The following DUSP14 variants were observed in gnomAD, a reference collection of about 807,000 sequenced individuals.
DUSP14 encodes dual specificity phosphatase 14.
A neutral mutation model predicts 13.2 loss-of-function variants in DUSP14; 5 were observed. The observed-to-expected ratio is 0.38, with a 90% CI of 0.20 to 0.80. The LOEUF (loss-of-function observed/expected upper bound fraction) is 0.80. DUSP14 is among the 30% of genes least tolerant of loss of function. The pLI, the probability that DUSP14 is intolerant of heterozygous loss-of-function variation, is 0.44. For missense variants in DUSP14, 185 were observed against 264.0 expected (o/e 0.70, Z 2.07); for synonymous variants, 91 against 103.4 (o/e 0.88, Z 0.73).
intron 1 of DUSP14, among the ~76,000 whole-genome samples, chr17:37,495,003 A>G (rs1043119085): frequency 6.6e-6 from 1 of 152,216 alleles, no homozygotes; most frequent in African/African-American, 2.4e-5. Context: ...TAGAAACCAC[A>G]TGCGGATAAA....
rs1351872422 is a variant in DUSP14, at chr17:37,495,933, C to A, written c.-181+5975C>A. On this transcript the variant is annotated intron_variant, in intron 1 of 2. Transcript: ENST00000617516. ...TCGGACCCCCAAAGTGCTGGGATTA[C>A]AGGCATGAGCCACCGCGCCCAGCCT... Among the ~76,000 whole-genome samples the A allele has an allele frequency of 3.3e-5, 5 of 152,316 alleles. No individual in the cohort carries two copies. In the East Asian group the frequency reaches 9.6e-4, roughly 29 times the overall value.
At position 37,512,246 on chromosome 17, in the gene DUSP14, G is replaced by A. The variant is rs372548237; in HGVS notation, c.-27G>A. ...AAAACACTCTGGTCTTGCCGCCAAC[G>A]ATGCAAGTGTGACTGCTGGCGTCTT... On this transcript the variant is annotated 5_prime_UTR_variant, in exon 3 of 3. Transcript: ENST00000617516. The surrounding 1 kb of genome is among the most constrained non-coding windows in gnomAD (Gnocchi z 4.8). 282 of 1,552,842 alleles carry A rather than the reference G, an allele frequency of 1.8e-4. 1 individual carries two copies. Among genetic ancestry groups the A allele is most frequent in the Middle Eastern group, 8.7e-4 (5 of 5,770 alleles).
intron 1 of DUSP14, among the ~76,000 whole-genome samples, chr17:37,494,087 A>G (rs898782842): frequency 2.7e-5 from 4 of 147,512 alleles, no homozygotes; most frequent in African/African-American, 7.6e-5. Context: ...TCCGCCTCCC[A>G]GGTTCATGCC....
chr17:37,511,065 A>G (rs1407610581), intron 2 of DUSP14, among the ~76,000 whole-genome samples: 1 of 152,082 alleles, frequency 6.6e-6, no homozygotes, highest in Non-Finnish European at 1.5e-5. Flanking sequence ...TAATGAGAGG[A>G]TAGTGACGTT....
chr17:37,489,676 A>G (rs1302745737), upstream of DUSP14, among the ~76,000 whole-genome samples: 2 of 151,656 alleles, frequency 1.3e-5, no homozygotes, highest in Admixed American at 1.3e-4. Flanking sequence ...GCTCTAGGGG[A>G]GGCTGCTGCC....
chr17:37,512,779 G>A lies in DUSP14; in HGVS notation c.507G>A (p.Ser169=), dbSNP rs375947664. 5.5e-5 allele frequency: 88 copies of A among 1,613,714 alleles called. No homozygotes were observed. The East Asian group carries it at 1.0e-3, about 19-fold the overall frequency. Reference sequence around the variant, plus strand: ...ACGAGCGCCAGCTCTTTGGGAAGTCGACAGTTAAAATGGTACAGACACCTT... The same window carrying A: ...ACGAGCGCCAGCTCTTTGGGAAGTCAACAGTTAAAATGGTACAGACACCTT... ...IDYERQLFGK[S]TVKMVQTPYG... is the part of the protein sequence containing the mutation. Residue 169 remains serine (S), a synonymous_variant, in exon 3 of 3, where the codon TCG becomes TCA. Transcript: ENST00000617516. The surrounding 1 kb of genome is among the most constrained non-coding windows in gnomAD (Gnocchi z 4.8).
At chr17:37,509,170 CTATA>C (rs1225738958) in intron 1 of DUSP14, among the ~76,000 whole-genome samples, 2 of 48,218 alleles carry the variant, frequency 4.1e-5, no homozygotes, top group East Asian at 5.8e-4. Context: ...CACACACACT[CTATA>C]TATATATGTA....
At chr17:37,494,557 G>C (rs772155423) in intron 1 of DUSP14, among the ~76,000 whole-genome samples, 7 of 152,126 alleles carry the variant, frequency 4.6e-5, no homozygotes, top group Non-Finnish European at 1.0e-4. Flanking sequence ...TTGATTGCCC[G>C]TGTTTAGTTT....
At chr17:37,501,688 G>A (rs769489879) in intron 1 of DUSP14, among the ~76,000 whole-genome samples, 4 of 152,004 alleles carry the variant, frequency 2.6e-5, no homozygotes, top group South Asian at 2.1e-4. Context: ...GCTAATTTTC[G>A]TATTTTTTAG....
At chr17:37,509,289 A>AG (rs1192287210) in intron 1 of DUSP14, among the ~76,000 whole-genome samples, 91 of 25,626 alleles carry the variant, frequency 3.6e-3, no homozygotes, top group Non-Finnish European at 4.8e-3. Context: ...ATATATATAT[A>AG]TATATATAGT....
chr17:37,504,959 T>C (rs1357316300), intron 1 of DUSP14, among the ~76,000 whole-genome samples: 1 of 151,814 alleles, frequency 6.6e-6, no homozygotes, highest in Non-Finnish European at 1.5e-5. Context: ...TGGCACGATC[T>C]TGGCTCACTG....
intron 2 of DUSP14, among the ~76,000 whole-genome samples, chr17:37,511,347 C>G (rs767119265): frequency 4.6e-5 from 7 of 152,102 alleles, no homozygotes; most frequent in Non-Finnish European, 8.8e-5. Flanking sequence ...GTGGCACGAT[C>G]TCAGCTAGTT....
At chr17:37,502,671 T>C (rs2054112815) in intron 1 of DUSP14, among the ~76,000 whole-genome samples, 2 of 152,052 alleles carry the variant, frequency 1.3e-5, no homozygotes, top group South Asian at 4.1e-4. Context: ...ATCTAGTGGT[T>C]GAGCTTGGGT....
chr17:37,496,964 C>T (rs140071079), intron 1 of DUSP14, among the ~76,000 whole-genome samples: 1 of 150,486 alleles, frequency 6.6e-6, no homozygotes, highest in Non-Finnish European at 1.5e-5. Context: ...GCAAATTAAC[C>T]AGCATCATAA....
intron 1 of DUSP14, among the ~76,000 whole-genome samples, chr17:37,499,538 T>G (rs181876472): frequency 2.0e-5 from 3 of 151,634 alleles, no homozygotes; most frequent in Admixed American, 6.6e-5. Context: ...TGTTTGTTTT[T>G]TGTTTTTTGA....
At chr17:37,500,514 A>C (rs1481082830) in intron 1 of DUSP14, among the ~76,000 whole-genome samples, 5 of 152,224 alleles carry the variant, frequency 3.3e-5, no homozygotes, top group Admixed American at 1.3e-4. Flanking sequence ...CTTGCTTCTC[A>C]GAGGGCAGTA....
Position 37,504,528 on chromosome 17 carries a change from T to C in DUSP14, c.-180-6149T>C, listed in dbSNP as rs373674346. 7.5e-4 allele frequency among the ~76,000 whole-genome samples: 114 copies of C among 152,334 alleles called. 4 individuals are homozygous for C. The South Asian group carries it at 0.023, about 31-fold the overall frequency. ...AAGTAAGTAGAAGATGTTGAGATGTTTTACCACAATTGCTAAAGCTTTCCA... is the reference window on the plus strand; with the variant it reads ...AAGTAAGTAGAAGATGTTGAGATGTCTTACCACAATTGCTAAAGCTTTCCA... On this transcript the variant is annotated intron_variant, in intron 1 of 2. Coordinates refer to ENST00000617516, the MANE Select transcript of DUSP14 (RefSeq NM_007026.4).
chr17:37,489,647 G>A (rs2054010925), upstream of DUSP14, among the ~76,000 whole-genome samples: 2 of 151,990 alleles, frequency 1.3e-5, no homozygotes, highest in African/African-American at 4.8e-5. Context: ...AAGAGACCAG[G>A]GGACCTGCAC....
chr17:37,494,208 T>C (rs1287876343), intron 1 of DUSP14, among the ~76,000 whole-genome samples: 2 of 152,124 alleles, frequency 1.3e-5, no homozygotes, highest in Non-Finnish European at 2.9e-5. Flanking sequence ...TTAGTCAGAA[T>C]GGTCTTAATC....
Sources: gnomAD v4.1 joint callset for allele counts (sites outside exome capture counted in the v4.1 genomes callset) on GRCh38, gnomAD v4.1.1 for gene constraint, Gnocchi (gnomAD v3.1) non-coding constraint, MANE v1.5 for transcripts, NCBI Gene and HGNC (gene_info 2026-07-23, HGNC 2026-07-21) for gene names.